The following DLGAP2 variants were observed in gnomAD, a reference collection of about 807,000 sequenced individuals.
DLGAP2 encodes DLG associated protein 2, also known as disks large-associated protein 2.
A neutral mutation model predicts 100.3 loss-of-function variants in DLGAP2; 26 were observed. The ratio of observed to expected loss-of-function variants is 0.26; its 90% CI spans 0.19 to 0.36. The LOEUF (loss-of-function observed/expected upper bound fraction) is 0.36, where lower values mean the gene tolerates loss of function less well. Among genes scored for constraint, DLGAP2 ranks in the 10% least tolerant of loss-of-function variants. The probability of loss-of-function intolerance (pLI) is 1.00; values close to 1 mark genes in which losing one functional copy is unlikely to be tolerated. For missense variants in DLGAP2, 1,858 were observed against 1,453.2 expected (o/e 1.28, Z -4.53); for synonymous variants, 886 against 630.1 (o/e 1.41, Z -6.08).
At chr8:1,117,618 G>A (rs1805159164) in intron 2 of DLGAP2, among the ~76,000 whole-genome samples, 1 of 152,206 alleles carries the variant, frequency 6.6e-6, no homozygotes, top group Admixed American at 6.5e-5. Flanking sequence ...TGGGATGGAC[G>A]CTGAGTAGAG....
chr8:1,230,217 G>T (rs554662181), intron 2 of DLGAP2, among the ~76,000 whole-genome samples: 1 of 152,110 alleles, frequency 6.6e-6, no homozygotes, highest in Non-Finnish European at 1.5e-5. Flanking sequence ...CTAGAAACCA[G>T]TGAAGTTCAA....
At chr8:1,185,174 T>A (rs1797473304) in intron 2 of DLGAP2, among the ~76,000 whole-genome samples, 1 of 152,146 alleles carries the variant, frequency 6.6e-6, no homozygotes, top group South Asian at 2.1e-4. Flanking sequence ...GCGAATGCTG[T>A]TCATTTTTAT....
chr8:1,650,363 A>G (rs1465308484), intron 8 of DLGAP2, among the ~76,000 whole-genome samples: 1 of 152,198 alleles, frequency 6.6e-6, no homozygotes, highest in Non-Finnish European at 1.5e-5. Flanking sequence ...ATGATTATAA[A>G]CTGTCCTATG....
intron 2 of DLGAP2, among the ~76,000 whole-genome samples, chr8:1,144,725 C>G (rs1391526326): frequency 6.6e-6 from 1 of 152,250 alleles, no homozygotes; most frequent in Non-Finnish European, 1.5e-5. Flanking sequence ...AGCCCATGCT[C>G]TAGGGTCCAT....
intron 4 of DLGAP2, among the ~76,000 whole-genome samples, chr8:1,519,260 C>A (rs1305706647): frequency 1.3e-5 from 2 of 152,102 alleles, no homozygotes; most frequent in Non-Finnish European, 2.9e-5. Context: ...CGGCATGTCC[C>A]ATCCTACGCC....
At chr8:1,629,354 A>C (rs1030385229) in intron 7 of DLGAP2, among the ~76,000 whole-genome samples, 5 of 152,238 alleles carry the variant, frequency 3.3e-5, no homozygotes, top group African/African-American at 9.6e-5. Context: ...TGACAAGGAA[A>C]GACCGTCCCT....
At chr8:956,491 G>A (rs1034395046) in intron 2 of DLGAP2, among the ~76,000 whole-genome samples, 1 of 152,164 alleles carries the variant, frequency 6.6e-6, no homozygotes, top group Non-Finnish European at 1.5e-5. Context: ...CTGTCCACCC[G>A]CTGGTTCCTG....
Position 843,847 on chromosome 8 carries a change from G to A in DLGAP2, c.19-64065G>A, listed in dbSNP as rs180801669. ...ATGATATCTTTACATTTCTTCACGG[G>A]TATTAAGTTGTCAATAAGAGTAACT... On this transcript the variant is annotated intron_variant, in intron 1 of 14. Transcript: ENST00000637795. Among the ~76,000 whole-genome samples, 445 of 152,282 alleles carry A rather than the reference G, an allele frequency of 2.9e-3. 2 individuals are homozygous for A. The highest frequency in any genetic ancestry group is 0.01 in the African/African-American group (428 of 41,560).
intron 2 of DLGAP2, among the ~76,000 whole-genome samples, chr8:1,199,970 C>A (rs946839542): frequency 6.6e-6 from 1 of 152,026 alleles, no homozygotes; most frequent in African/African-American, 2.4e-5. Flanking sequence ...GGCCGGGTCT[C>A]AGCAGGGGTC....
chr8:1,539,746 A>G (rs1398145902), intron 4 of DLGAP2, among the ~76,000 whole-genome samples: 2 of 152,142 alleles, frequency 1.3e-5, no homozygotes, highest in African/African-American at 4.8e-5. Context: ...TTGCATGTCT[A>G]GCTGTGCTTG....
intron 1 of DLGAP2, among the ~76,000 whole-genome samples, chr8:855,579 A>G (rs777028357): frequency 7.2e-5 from 11 of 152,162 alleles, no homozygotes; most frequent in Non-Finnish European, 1.5e-5. Flanking sequence ...GGTCTGTAAA[A>G]CTGGTGCTGT....
At chr8:945,284 T>G (rs966441471) in intron 2 of DLGAP2, among the ~76,000 whole-genome samples, 8 of 152,218 alleles carry the variant, frequency 5.3e-5, no homozygotes, top group Non-Finnish European at 8.8e-5. Context: ...TCCTCCCTCC[T>G]GGGAGTGGAT....
At chr8:1,073,722 C>T (rs747617031) in intron 2 of DLGAP2, among the ~76,000 whole-genome samples, 3 of 152,240 alleles carry the variant, frequency 2.0e-5, no homozygotes, top group Non-Finnish European at 4.4e-5. Context: ...TTTCCACAAA[C>T]ATTTCCCATG....
At position 1,107,692 on chromosome 8, in the gene DLGAP2, G is replaced by C. The variant is rs73670443; in HGVS notation, c.74-151159G>C. ...CCCTGCTCTTCCCTGCTCTGTCCCAGCAGAGCTGTTTTTGTAAAGCACACA... is the reference window on the plus strand; with the variant it reads ...CCCTGCTCTTCCCTGCTCTGTCCCACCAGAGCTGTTTTTGTAAAGCACACA... On this transcript the variant is annotated intron_variant, in intron 2 of 14. Coordinates refer to ENST00000637795, the MANE Select transcript of DLGAP2 (RefSeq NM_001346810.2). Among the ~76,000 whole-genome samples the C allele has an allele frequency of 1.7e-4, 26 of 152,292 alleles. 1 individual carries two copies. The East Asian group carries it at 5.0e-3, about 29-fold the overall frequency.
intron 2 of DLGAP2, among the ~76,000 whole-genome samples, chr8:915,493 G>C (rs975157848): frequency 6.6e-6 from 1 of 151,826 alleles, no homozygotes; most frequent in Non-Finnish European, 1.5e-5. Flanking sequence ...CTTGCAGTGA[G>C]CCGAGATCGC....
chr8:1,391,191 A>G (rs1170931265), intron 3 of DLGAP2, among the ~76,000 whole-genome samples: 4 of 152,224 alleles, frequency 2.6e-5, no homozygotes, highest in Non-Finnish European at 4.4e-5. Context: ...TTAACTCAGA[A>G]GTTCCCATGG....
intron 4 of DLGAP2, among the ~76,000 whole-genome samples, chr8:1,529,535 A>G (rs894454133): frequency 1.2e-4 from 19 of 152,202 alleles, no homozygotes; most frequent in Non-Finnish European, 1.6e-4. Flanking sequence ...GTTTATAGAA[A>G]GCACCAAAAA....
At chr8:1,208,411 T>C (rs570751123) in intron 2 of DLGAP2, among the ~76,000 whole-genome samples, 1 of 152,202 alleles carries the variant, frequency 6.6e-6, no homozygotes, top group Non-Finnish European at 1.5e-5. Context: ...GAAAAAGCAT[T>C]TGAGAAAATC....
At chr8:1,654,017 G>A (rs1322585850) in intron 8 of DLGAP2, among the ~76,000 whole-genome samples, 4 of 152,196 alleles carry the variant, frequency 2.6e-5, no homozygotes, top group Non-Finnish European at 5.9e-5. Flanking sequence ...ACGGATCAAT[G>A]TCTGCGCACT....
Sources: allele counts gnomAD v4.1 joint callset (sites outside exome capture counted in the v4.1 genomes callset), GRCh38; gene constraint gnomAD v4.1.1; transcripts MANE v1.5; gene names NCBI Gene and HGNC (gene_info 2026-07-23, HGNC 2026-07-21).